TMEM132B: variants seen among roughly 807,000 people sequenced by gnomAD.
TMEM132B encodes transmembrane protein 132B.
Under a neutral mutation model 90.8 loss-of-function variants are expected in TMEM132B, and 18 were observed. The ratio of observed to expected loss-of-function variants is 0.20; its 90% CI spans 0.14 to 0.29. The LOEUF is 0.29. Ranked by LOEUF, TMEM132B falls within the 10% of genes least tolerant of loss-of-function variation. TMEM132B has a pLI of 1.00. For missense variants in TMEM132B, 1,096 were observed against 1,326.8 expected (o/e 0.83, Z 2.70); for synonymous variants, 504 against 523.3 (o/e 0.96, Z 0.50).
chr12:125,571,253 A>G lies in TMEM132B; in HGVS notation c.1294-12598A>G, dbSNP rs150718891. ...GCAGCGGAGTGATTCTGGCCAAATCATGGAATCTTTCAGCTTCAGTTCCCT... is the reference window on the plus strand; with the variant it reads ...GCAGCGGAGTGATTCTGGCCAAATCGTGGAATCTTTCAGCTTCAGTTCCCT... On this transcript the variant is annotated intron_variant, in intron 4 of 8. Transcript: ENST00000682704. Among the ~76,000 whole-genome samples, 580 of 152,294 alleles carry G rather than the reference A, an allele frequency of 3.8e-3. 3 individuals are homozygous for G. Among genetic ancestry groups the G allele is most frequent in the African/African-American group, 0.013 (542 of 41,572 alleles).
intron 5 of TMEM132B, among the ~76,000 whole-genome samples, chr12:125,642,246 C>T (rs1423374929): frequency 6.6e-6 from 1 of 152,156 alleles, no homozygotes; most frequent in Non-Finnish European, 1.5e-5. Flanking sequence ...ACATGACCCT[C>T]CACTCCATTT....
rs1246637324 is a variant in TMEM132B, at chr12:125,653,469, C to T, written c.2107-96C>T. The T allele has an allele frequency of 8.9e-6, 12 of 1,345,024 alleles. 1 individual carries two copies. The East Asian group carries it at 1.5e-4, about 17-fold the overall frequency. 83.3% of individuals were successfully genotyped at this position (1,345,024 alleles called of 1,614,324 possible). A position where few individuals can be genotyped will look rare whatever the true frequency, so the allele number is the denominator to read the frequency against. ...ATTATAAAACTATAGAAATCTTCTCCTTATATTTAAACAATTTATATAGGA... is the reference window on the plus strand; with the variant it reads ...ATTATAAAACTATAGAAATCTTCTCTTTATATTTAAACAATTTATATAGGA... On this transcript the variant is annotated intron_variant, in intron 8 of 8. Transcript: ENST00000682704.
At chr12:125,545,645 T>C (rs1179281032) in intron 4 of TMEM132B, among the ~76,000 whole-genome samples, 1 of 152,236 alleles carries the variant, frequency 6.6e-6, no homozygotes, top group Non-Finnish European at 1.5e-5. Context: ...GGTTCAACGA[T>C]AATCAGTCCT....
intron 6 of TMEM132B, among the ~76,000 whole-genome samples, chr12:125,648,218 A>G (rs1021009834): frequency 7.9e-5 from 12 of 152,052 alleles, no homozygotes; most frequent in African/African-American, 2.7e-4. Flanking sequence ...CCATGTCCCT[A>G]CAAAGGACAT....
chr12:125,290,958 A>G (rs987060960), intron 1 of TMEM132B, among the ~76,000 whole-genome samples: 1 of 152,176 alleles, frequency 6.6e-6, no homozygotes, highest in African/African-American at 2.4e-5. Flanking sequence ...AGTTGAATTT[A>G]AGATAGAGAG....
intron 1 of TMEM132B, among the ~76,000 whole-genome samples, chr12:125,308,615 C>A (rs1876049958): frequency 6.6e-6 from 1 of 151,902 alleles, no homozygotes; most frequent in Non-Finnish European, 1.5e-5. Context: ...ATGTGAAAAA[C>A]CTTTCTTTTT....
intron 2 of TMEM132B, among the ~76,000 whole-genome samples, chr12:125,412,596 T>A (rs1879883770): frequency 6.6e-6 from 1 of 152,184 alleles, no homozygotes; most frequent in African/African-American, 2.4e-5. Flanking sequence ...TTTGTTCATC[T>A]GGATGTTGAG....
At chr12:125,269,873 G>A (rs1874786452) in intron 1 of TMEM132B, among the ~76,000 whole-genome samples, 1 of 152,040 alleles carries the variant, frequency 6.6e-6, no homozygotes, top group Non-Finnish European at 1.5e-5. Flanking sequence ...TTCCTAAGGT[G>A]TGGGTCTCTC....
intron 5 of TMEM132B, among the ~76,000 whole-genome samples, chr12:125,610,848 C>T (rs937282513): frequency 6.6e-6 from 1 of 152,010 alleles, no homozygotes; most frequent in Admixed American, 6.6e-5. Flanking sequence ...CTGGAATTTT[C>T]CTTTTATATG....
chr12:125,599,971 T>C (rs1358470089), intron 5 of TMEM132B, among the ~76,000 whole-genome samples: 1 of 152,022 alleles, frequency 6.6e-6, no homozygotes, highest in East Asian at 1.9e-4. Flanking sequence ...GCATAGGTAA[T>C]AAGGGATGAG....
intron 1 of TMEM132B, among the ~76,000 whole-genome samples, chr12:125,242,656 C>T (rs551382937): frequency 6.6e-6 from 1 of 152,288 alleles, no homozygotes; most frequent in African/African-American, 2.4e-5. Context: ...GTGTTTGTCC[C>T]TCTAGGGTGT....
intron 1 of TMEM132B, among the ~76,000 whole-genome samples, chr12:125,220,752 G>C (rs1341406601): frequency 6.6e-6 from 1 of 152,310 alleles, no homozygotes; most frequent in African/African-American, 2.4e-5. Context: ...CTGTTTCCCA[G>C]ATCGTAGGAG....
intron 5 of TMEM132B, among the ~76,000 whole-genome samples, chr12:125,592,742 T>C (rs1287583123): frequency 6.6e-6 from 1 of 151,864 alleles, no homozygotes. Flanking sequence ...ACAGAGAGGG[T>C]GAGATGGAAT....
At chr12:125,561,236 G>A (rs561937657) in intron 4 of TMEM132B, among the ~76,000 whole-genome samples, 1 of 152,224 alleles carries the variant, frequency 6.6e-6, no homozygotes, top group African/African-American at 2.4e-5. Flanking sequence ...CGTGGATGAA[G>A]CTAGAAACCA....
At chr12:125,444,101 A>G (rs1320947584) in intron 3 of TMEM132B, among the ~76,000 whole-genome samples, 1 of 152,224 alleles carries the variant, frequency 6.6e-6, no homozygotes, top group Non-Finnish European at 1.5e-5. Context: ...TCATATACAT[A>G]CAAAGAACTG....
chr12:125,488,550 C>A (rs1273696921), intron 3 of TMEM132B, among the ~76,000 whole-genome samples: 1 of 152,162 alleles, frequency 6.6e-6, no homozygotes, highest in Non-Finnish European at 1.5e-5. Context: ...ATGGGAACTG[C>A]CCTGCACAAG....
At chr12:125,421,216 T>C (rs1484221704) in intron 3 of TMEM132B, among the ~76,000 whole-genome samples, 1 of 152,238 alleles carries the variant, frequency 6.6e-6, no homozygotes, top group Non-Finnish European at 1.5e-5. Context: ...ATCTTTATAA[T>C]AGCACCCCAC....
chr12:125,349,888 T>C lies in TMEM132B; in HGVS notation c.504T>C (p.Ala168=). ...ATCTACCCTGTGTCAAGATGTTTGCTTTCCCTGAGGCCAGGGAAGTGGCAG... is the reference window on the plus strand; with the variant it reads ...ATCTACCCTGTGTCAAGATGTTTGCCTTCCCTGAGGCCAGGGAAGTGGCAG... The part of the protein sequence containing the change: ...TEDLPCVKMF[A]FPEAREVAAS... The change falls in exon 2 of 9, where the codon GCT becomes GCC. Residue 168 remains alanine, a synonymous_variant. Coordinates refer to ENST00000682704, the MANE Select transcript of TMEM132B (RefSeq NM_001366854.1). This position sits in a 1 kb window ranked among gnomAD's most constrained non-coding sequence, Gnocchi z 4.1. 7 of 1,614,252 alleles carry C rather than the reference T, an allele frequency of 4.3e-6. No individual in the cohort carries two copies. The highest frequency in any genetic ancestry group is 4.2e-6 in the Non-Finnish European group (5 of 1,180,046).
chr12:125,429,493 A>G (rs1483337831), intron 3 of TMEM132B, among the ~76,000 whole-genome samples: 1 of 152,032 alleles, frequency 6.6e-6, no homozygotes, highest in Non-Finnish European at 1.5e-5. Context: ...GGTGTGAGCC[A>G]CCGTGCCCGG....
Sources: gnomAD v4.1 joint callset for allele counts (sites outside exome capture counted in the v4.1 genomes callset) on GRCh38, gnomAD v4.1.1 for gene constraint, Gnocchi (gnomAD v3.1) non-coding constraint, MANE v1.5 for transcripts, NCBI Gene and HGNC (gene_info 2026-07-23, HGNC 2026-07-21) for gene names.